Variants in PAXBP1 observed in about 807,000 individuals in gnomAD.
PAXBP1 encodes the protein PAX3 and PAX7 binding protein 1.
Under a neutral mutation model 119.9 loss-of-function variants are expected in PAXBP1, and 44 were observed. That is an observed-to-expected ratio of 0.37 (90% CI 0.29 to 0.47). PAXBP1 has a LOEUF of 0.47. PAXBP1 is among the 20% of genes least tolerant of loss of function. The probability of loss-of-function intolerance (pLI) is 0.99; values close to 1 mark genes in which losing one functional copy is unlikely to be tolerated. For missense variants in PAXBP1, 898 were observed against 1,134.1 expected, an observed-to-expected ratio of 0.79 and a Z score of 2.99; for synonymous variants, 393 against 406.6, an observed-to-expected ratio of 0.97 and a Z score of 0.40.
At chr21:32,754,420 A>C (rs183192744) in intron 8 of PAXBP1, among the ~76,000 whole-genome samples, 105 of 152,346 alleles carry the variant, frequency 6.9e-4, no homozygotes, top group Middle Eastern at 3.4e-3. Context: ...AAATGACAAA[A>C]GAAACCACAA....
rs889296570 is a variant in PAXBP1 at position 32,769,890 on chromosome 21, T to C, written c.396A>G (p.Val132=). 9.5e-6 allele frequency: 15 copies of C among 1,586,648 alleles called. No individual in the cohort carries two copies. The African/African-American group carries it at 1.8e-4, about 19-fold the overall frequency. The change falls in exon 2 of 18, where the codon GTA becomes GTG. Residue 132 remains valine, a synonymous_variant. Coordinates refer to ENST00000331923, the MANE Select transcript of PAXBP1 (RefSeq NM_016631.4). ...VKKSSYSKKI[V]KLLKKEYKED... ...CTTTATATTCCTTCTTGAGCAATTT[T>C]ACTATCTTTTTGCTATAACTTGATT... is the stretch of plus-strand genomic sequence containing the variant.
intron 2 of PAXBP1, among the ~76,000 whole-genome samples, chr21:32,765,227 G>A (rs377042868): frequency 6.6e-6 from 1 of 152,186 alleles, no homozygotes; most frequent in East Asian, 1.9e-4. Context: ...ACTAGGAAGG[G>A]AGCTGAGGAA....
At chr21:32,767,386 G>T (rs555816812) in intron 2 of PAXBP1, among the ~76,000 whole-genome samples, 1 of 152,180 alleles carries the variant, frequency 6.6e-6, no homozygotes, top group Non-Finnish European at 1.5e-5. Context: ...CTAGTGAGTG[G>T]AGTATCAGAA....
chr21:32,737,606 A>G, intron 16 of PAXBP1, 198 bp from the exon 17 acceptor site: 1 of 403,720 alleles, frequency 2.5e-6, no homozygotes, highest in Non-Finnish European at 4.3e-6. Context: ...TTTTACCCCA[A>G]CCAATGGGTT....
rs2044094048 is a variant in PAXBP1, at chr21:32,759,171, T to C, written c.1292A>G (p.Glu431Gly). 7 of 1,614,108 alleles carry C rather than the reference T, an allele frequency of 4.3e-6. No homozygotes were observed. The highest frequency in any genetic ancestry group is 5.9e-6 in the Non-Finnish European group (7 of 1,179,942). ...TTCACCAATACCCCCAGAAGACCCTTCTAATCTTTCAATAGCCCTGGTAGA... is the reference window on the plus strand; with the variant it reads ...TTCACCAATACCCCCAGAAGACCCTCCTAATCTTTCAATAGCCCTGGTAGA... ...VDSTRAIERL[E>G]GSSGGIGERY... The change falls in exon 7 of 18, where the codon GAA (glutamate) becomes GGA (glycine). Residue 431 changes from glutamate (E) to glycine (G), a missense_variant. By Grantham distance (98) the Glu-to-Gly change is moderately conservative. Coordinates refer to ENST00000331923, the MANE Select transcript of PAXBP1 (RefSeq NM_016631.4).
chr21:32,734,836 T>C lies in PAXBP1; in HGVS notation c.*114A>G, dbSNP rs1601577550. The C allele has an allele frequency of 6.5e-6, 5 of 768,730 alleles. No homozygotes were observed. The East Asian group carries it at 1.3e-4, about 20-fold the overall frequency. The allele number at this position is 768,730 out of a possible 1,614,324, so 47.6% of individuals were successfully genotyped here. A position where few individuals can be genotyped will look rare whatever the true frequency, so the allele number is the denominator to read the frequency against. On this transcript the variant is annotated 3_prime_UTR_variant, in exon 18 of 18. Coordinates refer to ENST00000331923, the MANE Select transcript of PAXBP1 (RefSeq NM_016631.4). ...TAAGGACACAGTATTGAATATAATG[T>C]TTTTTGTATTAAAACAAGAATTGCT...
In PAXBP1 at chr21:32,737,376, C is replaced by G. The variant is rs775040197; in HGVS notation, c.2514G>C (p.Met838Ile). The change falls in exon 17 of 18, where the codon ATG (methionine) becomes ATC (isoleucine). Residue 838 changes from methionine (M) to isoleucine (I), a missense_variant. Physicochemically the swap from Met to Ile is conservative, Grantham distance 10. Coordinates refer to ENST00000331923, the MANE Select transcript of PAXBP1 (RefSeq NM_016631.4). ...AAATAGTCCTTTCTCCTTTCAGATT[C>G]ATGAACCATTGTTTGGGGAAACAAT... ...VINCFPKQWF[M>I]NLKGERTISQ... 1.2e-6 allele frequency: 2 copies of G among 1,608,300 alleles called. No individual in the cohort carries two copies. Among genetic ancestry groups the G allele is most frequent in the Non-Finnish European group, 1.7e-6 (2 of 1,177,808 alleles).
intron 2 of PAXBP1, among the ~76,000 whole-genome samples, chr21:32,764,758 G>C (rs966670384): frequency 2.6e-5 from 4 of 152,180 alleles, no homozygotes; most frequent in African/African-American, 9.7e-5. Flanking sequence ...AAATAATACA[G>C]AGGATGTAAT....
At chr21:32,739,927 C>T (rs537935126) in intron 15 of PAXBP1, among the ~76,000 whole-genome samples, 1 of 124,084 alleles carries the variant, frequency 8.1e-6, no homozygotes, top group Non-Finnish European at 1.6e-5. Flanking sequence ...CAACACAAGA[C>T]CTCGTCTCTT....
Position 32,745,696 on chromosome 21 carries a change from T to A in PAXBP1, c.1946A>T (p.Asn649Ile), listed in dbSNP as rs1333379499. 6.2e-7 allele frequency: 1 copy of A among 1,613,836 alleles called. No homozygotes were observed. The highest frequency in any genetic ancestry group is 8.5e-7 in the Non-Finnish European group (1 of 1,179,926). ...CAGCAAAGATTCAAACCACAGCATA[T>A]TCTCAAAGTCACGACATTTTGCCTA... ...PLEAKCRDFE[N>I]MLWFESLLFY... The change falls in exon 12 of 18, where the codon AAT becomes ATT. Residue 649 changes from asparagine (N) to isoleucine (I), a missense_variant. Asn to Ile is a moderately radical substitution (Grantham distance 149, BLOSUM62 -3). Coordinates refer to ENST00000331923, the MANE Select transcript of PAXBP1 (RefSeq NM_016631.4).
intron 7 of PAXBP1, 141 bp from the exon 8 acceptor site, chr21:32,755,494 GC>G: frequency 1.9e-6 from 2 of 1,063,248 alleles, no homozygotes; most frequent in Non-Finnish European, 2.6e-6. Context: ...CACACAAGTA[GC>G]AAATTCTGTT....
At chr21:32,737,497 A>G in intron 16 of PAXBP1, 89 bp from the exon 17 acceptor site, 1 of 1,096,346 alleles carries the variant, frequency 9.1e-7, no homozygotes, top group Non-Finnish European at 1.3e-6. Flanking sequence ...GTATAAATGT[A>G]TTTCACCAGA....
At chr21:32,744,671 TG>T in intron 13 of PAXBP1, 120 bp downstream of exon 13, 1 of 1,073,296 alleles carries the variant, frequency 9.3e-7, no homozygotes, top group African/African-American at 1.7e-5. Context: ...ATGGCCCTGA[TG>T]GCCCAAGTGG....
At chr21:32,735,466 T>A (rs958338332) in intron 17 of PAXBP1, among the ~76,000 whole-genome samples, 1 of 152,236 alleles carries the variant, frequency 6.6e-6, no homozygotes, top group African/African-American at 2.4e-5. Context: ...CAAATCGTTA[T>A]TTGTGTCTCT....
At chr21:32,741,011 A>G (rs2043774846) in intron 15 of PAXBP1, among the ~76,000 whole-genome samples, 2 of 152,236 alleles carry the variant, frequency 1.3e-5, no homozygotes. Context: ...AATGCAAATG[A>G]AAACCACAAT....
In PAXBP1 at chr21:32,764,357, G is replaced by A. The variant is rs1421988970; in HGVS notation, c.640C>T (p.Leu214Phe). ...ACTTTTGAGTACACACCTGGACGAAGAACATTCAATGAAGATAAAGCATTT... is the reference window on the plus strand; with the variant it reads ...ACTTTTGAGTACACACCTGGACGAAAAACATTCAATGAAGATAAAGCATTT... The part of the protein sequence containing the change: ...FSNALSSLNV[L>F]RPGEIPDAAF... Residue 214 changes from leucine to phenylalanine, a missense_variant, in exon 3 of 18, where the codon CTT (leucine) becomes TTT (phenylalanine). Leu to Phe is a conservative substitution (Grantham distance 22). This residue lies in a region of PAXBP1 where 599 missense variants were observed against 852.7 expected (regional missense o/e 0.70). Coordinates refer to ENST00000331923, the MANE Select transcript of PAXBP1 (RefSeq NM_016631.4). The A allele has an allele frequency of 1.2e-6, 2 of 1,613,684 alleles. No individual in the cohort carries two copies. The highest frequency in any genetic ancestry group is 1.1e-5 in the South Asian group (1 of 91,044).
intron 7 of PAXBP1, 96 bp from the exon 8 acceptor site, chr21:32,755,449 T>A (rs969349142): frequency 6.6e-7 from 1 of 1,504,748 alleles, no homozygotes; most frequent in African/African-American, 1.4e-5. Flanking sequence ...AAAAGTACCC[T>A]CTCTATGGAC....
chr21:32,769,842 A>C lies in PAXBP1; in HGVS notation c.444T>G (p.Ile148Met). ...CAGCTGATGAGTTGAGTTCTGTCTTAATCTTCGATTTTTCAAGATCTTCTT... is the reference window on the plus strand; with the variant it reads ...CAGCTGATGAGTTGAGTTCTGTCTTCATCTTCGATTTTTCAAGATCTTCTT... ...EYKEDLEKSKIKTELNSSAES... is the reference protein window; with the variant it reads ...EYKEDLEKSKMKTELNSSAES... The change falls in exon 2 of 18, where the codon ATT becomes ATG. Residue 148 changes from isoleucine (I) to methionine (M), a missense_variant. By Grantham distance (10) the Ile-to-Met change is conservative. This residue lies in a region of PAXBP1 where 299 missense variants were observed against 281.4 expected (regional missense o/e 1.06). Coordinates refer to ENST00000331923, the MANE Select transcript of PAXBP1 (RefSeq NM_016631.4). The C allele has an allele frequency of 6.2e-7, 1 of 1,602,560 alleles. No individual in the cohort carries two copies. The highest frequency in any genetic ancestry group is 8.5e-7 in the Non-Finnish European group (1 of 1,176,908).
Position 32,748,661 on chromosome 21 carries a change from A to G in PAXBP1, c.1761T>C (p.Asp587=), listed in dbSNP as rs1191685458. 6 of 1,612,844 alleles carry G rather than the reference A, an allele frequency of 3.7e-6. No individual in the cohort carries two copies. Among genetic ancestry groups the G allele is most frequent in the Non-Finnish European group, 5.1e-6 (6 of 1,179,214 alleles). ...ISKESGKVFE[D]VLESFYSIDC... Reference sequence around the variant, plus strand: ...CAATTGAATAGAAACTTTCAAGGACATCTTCAAAAACTTTGCCGGATTCTT... The same window carrying G: ...CAATTGAATAGAAACTTTCAAGGACGTCTTCAAAAACTTTGCCGGATTCTT... Residue 587 remains aspartate (D), a synonymous_variant, in exon 11 of 18, where the codon GAT becomes GAC. Transcript: ENST00000331923.
Sources: allele counts gnomAD v4.1 joint callset (sites outside exome capture counted in the v4.1 genomes callset), GRCh38; gene constraint gnomAD v4.1.1; regional missense constraint gnomAD v4.1.1; transcripts MANE v1.5; gene names NCBI Gene and HGNC (gene_info 2026-07-23, HGNC 2026-07-21).